Variants in BMPR2 observed in about 807,000 individuals in gnomAD.
BMPR2 encodes bone morphogenetic protein receptor type 2.
In BMPR2, 29 loss-of-function variants were observed where a neutral mutation model predicts 100.8. The ratio of observed to expected loss-of-function variants is 0.29; its 90% confidence interval spans 0.21 to 0.39. The LOEUF (loss-of-function observed/expected upper bound fraction) is 0.39, where lower values mean the gene tolerates loss of function less well. BMPR2 is among the 10% of genes least tolerant of loss of function. The pLI is 1.00. For missense variants in BMPR2, 1,011 were observed against 1,274.5 expected (o/e 0.79, Z 3.15); for synonymous variants, 382 against 442.3 (o/e 0.86, Z 1.71).
At chr2:202,390,000 CAA>C (rs59969821) in intron 1 of BMPR2, among the ~76,000 whole-genome samples, 150 of 132,350 alleles carry the variant, frequency 1.1e-3, no homozygotes, top group African/African-American at 1.5e-3. Flanking sequence ...ATGAAGTATA[CAA>C]AAAAAAAAAA....
chr2:202,446,655 CA>C (rs1484577032), intron 1 of BMPR2, among the ~76,000 whole-genome samples: 2 of 144,096 alleles, frequency 1.4e-5, no homozygotes, highest in Non-Finnish European at 3.0e-5. Context: ...CACTCACATA[CA>C]TTTTTTTTTT....
At chr2:202,528,331 G>A (rs1032937760) in intron 7 of BMPR2, among the ~76,000 whole-genome samples, 3 of 152,120 alleles carry the variant, frequency 2.0e-5, no homozygotes, top group Non-Finnish European at 4.4e-5. Flanking sequence ...GGGACTACAG[G>A]CACCCGCCAC....
chr2:202,421,853 AATTG>A (rs1327476526), intron 1 of BMPR2, among the ~76,000 whole-genome samples: 2 of 152,136 alleles, frequency 1.3e-5, no homozygotes, highest in African/African-American at 4.8e-5. Context: ...GTACTCAAGA[AATTG>A]ATAGGTAACT....
At chr2:202,508,670 A>G (rs1460811921) in intron 3 of BMPR2, among the ~76,000 whole-genome samples, 1 of 152,244 alleles carries the variant, frequency 6.6e-6, no homozygotes, top group Non-Finnish European at 1.5e-5. Context: ...GGATAACAAA[A>G]TGTTGATGGT....
chr2:202,490,371 A>G (rs1692876309), intron 3 of BMPR2, among the ~76,000 whole-genome samples: 1 of 152,232 alleles, frequency 6.6e-6, no homozygotes, highest in Non-Finnish European at 1.5e-5. Context: ...ACTCAAAGAT[A>G]TGTATATATA....
At chr2:202,473,384 G>A (rs1040919068) in intron 3 of BMPR2, among the ~76,000 whole-genome samples, 6 of 152,082 alleles carry the variant, frequency 3.9e-5, no homozygotes, top group African/African-American at 7.2e-5. Context: ...TTTGGGAGGC[G>A]GAAGTTGCTG....
At position 202,376,643 on chromosome 2, in the gene BMPR2, A is replaced by AT. The variant is rs1690152169; in HGVS notation, c.-831dup. 6.8e-6 allele frequency among the ~76,000 whole-genome samples: 1 copy of AT among 146,324 alleles called. No individual in the cohort carries two copies. The highest frequency in any genetic ancestry group is 1.5e-5 in the Non-Finnish European group (1 of 66,688). Reference sequence around the variant, plus strand: ...CTTGGTGGAATTTACCTCAGGCAAGATCGAGCCGCAGGAATAAAAAGCGAG... The same window carrying AT: ...CTTGGTGGAATTTACCTCAGGCAAGATTCGAGCCGCAGGAATAAAAAGCGAG... On this transcript the variant is annotated 5_prime_UTR_variant, in exon 1 of 13. Transcript: ENST00000374580.
At chr2:202,377,571 C>A (rs747993296) in intron 1 of BMPR2, 21 bp downstream of exon 1, 1 of 1,613,384 alleles carries the variant, frequency 6.2e-7, no homozygotes, top group Non-Finnish European at 8.5e-7. Flanking sequence ...CCGGCCGGCA[C>A]GTCCCGGCCA....
intron 11 of BMPR2, 55 bp from the exon 12 acceptor site, chr2:202,555,197 G>A: frequency 6.7e-7 from 1 of 1,492,532 alleles, no homozygotes; most frequent in East Asian, 2.3e-5. Context: ...AATTTGGAGA[G>A]ACAGTTTGTC....
chr2:202,542,132 A>AC (rs1324665341), intron 9 of BMPR2, among the ~76,000 whole-genome samples, 179 bp from the exon 10 acceptor site: 2 of 151,964 alleles, frequency 1.3e-5, no homozygotes, highest in Non-Finnish European at 2.9e-5. Flanking sequence ...AGAAAAAAAA[A>AC]TCATTAAACC....
intron 3 of BMPR2, among the ~76,000 whole-genome samples, chr2:202,509,813 C>T (rs1272626181): frequency 6.6e-6 from 1 of 152,004 alleles, no homozygotes; most frequent in South Asian, 2.1e-4. Context: ...TATCACTTCT[C>T]ATTCCTAGTT....
rs201067849 is a variant in BMPR2, at chr2:202,530,868, G to A, written c.1042G>A (p.Val348Ile). ...CCTAGTGAAAAATGATGGAACCTGT[G>A]TTATTAGTGACTTTGGACTGTCCAT... ...NVLVKNDGTC[V>I]ISDFGLSMRL... The change falls in exon 8 of 13, where the codon GTT becomes ATT. Residue 348 changes from valine (V) to isoleucine (I), a missense_variant. This residue lies in a region of BMPR2 where 355 missense variants were observed against 455.3 expected (regional missense o/e 0.78). Transcript: ENST00000374580. 195 of 1,614,064 alleles carry A rather than the reference G, an allele frequency of 1.2e-4. No individual in the cohort carries two copies. The East Asian group carries it at 4.0e-3, about 33-fold the overall frequency.
intron 1 of BMPR2, among the ~76,000 whole-genome samples, chr2:202,428,849 C>G (rs1465046762): frequency 2.0e-5 from 3 of 152,170 alleles, no homozygotes; most frequent in Non-Finnish European, 4.4e-5. Context: ...ATCACAAATT[C>G]TCCATCTTTC....
At chr2:202,527,750 G>A (rs924267304) in intron 7 of BMPR2, among the ~76,000 whole-genome samples, 2 of 151,394 alleles carry the variant, frequency 1.3e-5, no homozygotes, top group African/African-American at 4.9e-5. Context: ...TTGCGCCACT[G>A]CAGTCGGCAG....
intron 3 of BMPR2, among the ~76,000 whole-genome samples, chr2:202,471,784 A>G (rs143315365): frequency 1.7e-4 from 26 of 152,308 alleles, no homozygotes; most frequent in Middle Eastern, 3.4e-3. Flanking sequence ...TGTTGTTTCA[A>G]TGTTAAATGT....
At chr2:202,530,647 G>A (rs1340186308) in intron 7 of BMPR2, 147 bp from the exon 8 acceptor site, 5 of 643,424 alleles carry the variant, frequency 7.8e-6, no homozygotes, top group African/African-American at 7.3e-5. Flanking sequence ...ATAGTGATGA[G>A]TGTGAGTTGA....
At chr2:202,386,673 CCTTTT>C (rs1410183113) in intron 1 of BMPR2, among the ~76,000 whole-genome samples, 13 of 151,704 alleles carry the variant, frequency 8.6e-5, no homozygotes, top group African/African-American at 2.7e-4. Context: ...CCTGAGTGAC[CCTTTT>C]CTTTTCTTTT....
At chr2:202,463,530 TAAAG>T (rs899308691) in intron 1 of BMPR2, among the ~76,000 whole-genome samples, 7 of 152,122 alleles carry the variant, frequency 4.6e-5, no homozygotes, top group Admixed American at 6.5e-5. Flanking sequence ...ACATCCAAAA[TAAAG>T]AAACAAGTCA....
At chr2:202,474,845 GT>G (rs1354860124) in intron 3 of BMPR2, 1 of 151,912 alleles carries the variant, frequency 6.6e-6, no homozygotes, top group Non-Finnish European at 1.5e-5. Context: ...TATTCCTATA[GT>G]TTTGTATTGT....
Sources: gnomAD v4.1 joint callset for allele counts (sites outside exome capture counted in the v4.1 genomes callset) on GRCh38, gnomAD v4.1.1 for gene constraint, gnomAD v4.1.1 regional missense constraint, MANE v1.5 for transcripts, NCBI Gene and HGNC (gene_info 2026-07-23, HGNC 2026-07-21) for gene names.